Variants in VWF observed in about 807,000 individuals in gnomAD.
VWF encodes the protein Factor VIII related antigen.
A neutral mutation model predicts 308.6 loss-of-function variants in VWF; 176 were observed. The observed-to-expected ratio is 0.57, with a 90% CI of 0.50 to 0.65. The LOEUF is 0.65. Ranked by LOEUF, VWF falls within the 30% of genes least tolerant of loss-of-function variation. The pLI, the probability that VWF is intolerant of heterozygous loss-of-function variation, is 0.00. For missense variants in VWF, 3,146 were observed against 3,648.2 expected (o/e 0.86, Z 3.55); for synonymous variants, 1,385 against 1,443.4 (o/e 0.96, Z 0.92).
intron 47 of VWF, chr12:5,953,888 T>C: frequency 8.5e-6 from 3 of 354,042 alleles, no homozygotes; most frequent in South Asian, 7.4e-5. Flanking sequence ...AATTATTCTA[T>C]TGTCATCTTG....
At chr12:6,068,478 T>C (rs1944743411) in intron 10 of VWF, among the ~76,000 whole-genome samples, 1 of 152,096 alleles carries the variant, frequency 6.6e-6, no homozygotes, top group Non-Finnish European at 1.5e-5. Context: ...TGCATTTCTT[T>C]TTTTTTTTCC....
intron 16 of VWF, among the ~76,000 whole-genome samples, 188 bp downstream of exon 16, chr12:6,052,355 G>A (rs1378018690): frequency 6.6e-6 from 1 of 152,226 alleles, no homozygotes; most frequent in East Asian, 1.9e-4. Context: ...AGTTCCCTGT[G>A]TAGTAAGGAA....
chr12:5,969,239 G>A lies in VWF; in HGVS notation c.7701C>T (p.Thr2567=), dbSNP rs942107186. The A allele has an allele frequency of 1.2e-6, 2 of 1,613,938 alleles. No individual in the cohort carries two copies. The highest frequency in any genetic ancestry group is 1.3e-5 in the African/African-American group (1 of 74,950). ...CPSGFQLSCK[T]SACCPSCRCE... ...AGCGACAGCTTGGGCAGCACGCTGAGGTCTTACAGCTCAGCTGAAAGCCCG... is the reference window on the plus strand; with the variant it reads ...AGCGACAGCTTGGGCAGCACGCTGAAGTCTTACAGCTCAGCTGAAAGCCCG... The change falls in exon 45 of 52, where the codon ACC becomes ACT. Residue 2567 remains threonine (T), a synonymous_variant. Transcript: ENST00000261405.
At chr12:6,053,050 C>T (rs138198954) in intron 15 of VWF, among the ~76,000 whole-genome samples, 1 of 152,330 alleles carries the variant, frequency 6.6e-6, no homozygotes, top group East Asian at 1.9e-4. Flanking sequence ...TATTTTTCAG[C>T]ATGCAGATAT....
intron 5 of VWF, among the ~76,000 whole-genome samples, chr12:6,103,378 GTA>G (rs1945191555): frequency 7.6e-6 from 1 of 132,202 alleles, no homozygotes; most frequent in African/African-American, 3.3e-5. Context: ...GTGTGTGTGT[GTA>G]TACACGTGTG....
At position 6,056,890 on chromosome 12, in the gene VWF, C is replaced by G; in HGVS notation, c.1912G>C (p.Val638Leu). The G allele has an allele frequency of 2.0e-6, 3 of 1,512,076 alleles. No homozygotes were observed. The highest frequency in any genetic ancestry group is 2.6e-6 in the Non-Finnish European group (3 of 1,137,570). 93.7% of individuals were successfully genotyped at this position (1,512,076 alleles called of 1,614,324 possible). A position where few individuals can be genotyped will look rare whatever the true frequency, so the allele number is the denominator to read the frequency against. The stretch of plus-strand genomic sequence containing the variant: ...CCTGGCTCGCGCCACGCGACGCGCA[C>G]GCCTCTCCCCGCGCAGGCCGCGGCA... Reference protein sequence around the residue: ...SYAAACAGRGVRVAWREPGRC... With the variant: ...SYAAACAGRGLRVAWREPGRC... Residue 638 changes from valine to leucine, a missense_variant, in exon 15 of 52, where the codon GTG becomes CTG. Transcript: ENST00000261405.
chr12:6,036,655 C>T (rs1944340568), intron 18 of VWF, among the ~76,000 whole-genome samples, 164 bp from the exon 19 acceptor site: 1 of 152,230 alleles, frequency 6.6e-6, no homozygotes. Flanking sequence ...GCTTCCACTG[C>T]AGGCCAAGCC....
rs1351298194 is a variant in VWF, at chr12:6,075,033, G to C, written c.874+302C>G. Reference sequence around the variant, plus strand: ...ACCGCAACTGCCAAGATCTTGGTGGGAAGCAGAGAACACTGTGTGAGTGCA... The same window carrying C: ...ACCGCAACTGCCAAGATCTTGGTGGCAAGCAGAGAACACTGTGTGAGTGCA... On this transcript the variant is annotated intron_variant, in intron 7 of 51. Coordinates refer to ENST00000261405, the MANE Select transcript of VWF (RefSeq NM_000552.5). The surrounding 1 kb of genome is among the most constrained non-coding windows in gnomAD (Gnocchi z 4.7). Among the ~76,000 whole-genome samples the C allele has an allele frequency of 6.7e-6, 1 of 149,894 alleles. No individual in the cohort carries two copies. The highest frequency in any genetic ancestry group is 6.7e-5 in the Admixed American group (1 of 14,898).
At position 5,960,818 on chromosome 12, in the gene VWF, A is replaced by G. The variant is rs115847122; in HGVS notation, c.7887+6668T>C. On this transcript the variant is annotated intron_variant, in intron 47 of 51. Transcript: ENST00000261405. ...TAGAAACTCTCAGCACTAAAAAAAT[A>G]GATGAGAACTTCTTCAATATGCTAT... Among the ~76,000 whole-genome samples, 1,102 of 152,370 alleles carry G rather than the reference A, an allele frequency of 7.2e-3. 11 individuals carry two copies. Among genetic ancestry groups the G allele is most frequent in the African/African-American group, 0.025 (1,024 of 41,586 alleles).
At chr12:6,108,334 TACACAC>T (rs34140032) in intron 5 of VWF, among the ~76,000 whole-genome samples, 22 of 124,194 alleles carry the variant, frequency 1.8e-4, no homozygotes, top group East Asian at 9.2e-4. Context: ...AAGAAATATA[TACACAC>T]ACACACACAC....
At chr12:6,095,715 T>A in intron 5 of VWF, 131 bp from the exon 6 acceptor site, 1 of 1,356,048 alleles carries the variant, frequency 7.4e-7, no homozygotes, top group African/African-American at 1.5e-5. Flanking sequence ...AGGGTCTGGC[T>A]ATGTTTCCCA....
rs11064015 is a variant in VWF at position 6,075,220 on chromosome 12, C to G, written c.874+115G>C. On this transcript the variant is annotated intron_variant, in intron 7 of 51. Coordinates refer to ENST00000261405, the MANE Select transcript of VWF (RefSeq NM_000552.5). This position sits in a 1 kb window ranked among gnomAD's most constrained non-coding sequence, Gnocchi z 4.7. Reference sequence around the variant, plus strand: ...ACGTGGCTTTGTAGTCACTGGCTGGCTGGGTGTGGTAAAGCCGCACATACG... The same window carrying G: ...ACGTGGCTTTGTAGTCACTGGCTGGGTGGGTGTGGTAAAGCCGCACATACG... 13 of 1,336,052 alleles carry G rather than the reference C, an allele frequency of 9.7e-6. No individual in the cohort carries two copies. The Admixed American group carries it at 1.6e-4, about 17-fold the overall frequency. The allele number at this position is 1,336,052 out of a possible 1,614,324, so 82.8% of individuals were successfully genotyped here.
intron 44 of VWF, among the ~76,000 whole-genome samples, chr12:5,970,132 C>G (rs1044004444): frequency 6.6e-6 from 1 of 152,130 alleles, no homozygotes; most frequent in African/African-American, 2.4e-5. Flanking sequence ...ACCCCCCACT[C>G]CTGACTCCCT....
At chr12:6,035,094 C>A (rs1944320641) in intron 19 of VWF, among the ~76,000 whole-genome samples, 1 of 152,158 alleles carries the variant, frequency 6.6e-6, no homozygotes, top group Admixed American at 6.5e-5. Flanking sequence ...GTGAGCCAGG[C>A]AGCCAGGGAG....
chr12:6,033,818 G>A (rs548654122), intron 20 of VWF, among the ~76,000 whole-genome samples: 1 of 152,318 alleles, frequency 6.6e-6, no homozygotes, highest in African/African-American at 2.4e-5. Context: ...CTCTGGGGCT[G>A]GGGCTCCTAT....
In VWF at chr12:6,019,773, G is replaced by A; in HGVS notation, c.3675-30C>T. On this transcript the variant is annotated intron_variant, in intron 27 of 51. Coordinates refer to ENST00000261405, the MANE Select transcript of VWF (RefSeq NM_000552.5). The surrounding 1 kb of genome is among the most constrained non-coding windows in gnomAD (Gnocchi z 5.8). ...AGAAAAGAGCGAAGAAATTAAAATGGTTCAGGAAGAACCTGTGGACACTTC... is the reference window on the plus strand; with the variant it reads ...AGAAAAGAGCGAAGAAATTAAAATGATTCAGGAAGAACCTGTGGACACTTC... The A allele has an allele frequency of 6.3e-7, 1 of 1,589,124 alleles. No individual in the cohort carries two copies. Among genetic ancestry groups the A allele is most frequent in the Non-Finnish European group, 8.6e-7 (1 of 1,169,036 alleles).
At position 6,021,833 on chromosome 12, in the gene VWF, T is replaced by C. The variant is rs528197415; in HGVS notation, c.3674+67A>G. On this transcript the variant is annotated intron_variant, in intron 27 of 51. Transcript: ENST00000261405. ...CTAGGACTTTTTACCCAAAACCTAGTCTCTAAGCTGGCCCCTGGAGAAGCA... is the reference window on the plus strand; with the variant it reads ...CTAGGACTTTTTACCCAAAACCTAGCCTCTAAGCTGGCCCCTGGAGAAGCA... 21 of 1,608,596 alleles carry C rather than the reference T, an allele frequency of 1.3e-5. No homozygotes were observed. In the South Asian group the frequency reaches 2.2e-4, roughly 17 times the overall value.
chr12:6,103,948 A>G (rs138222592), intron 5 of VWF, among the ~76,000 whole-genome samples: 134 of 152,378 alleles, frequency 8.8e-4, no homozygotes, highest in African/African-American at 3.1e-3. Flanking sequence ...TCTTCTGCAC[A>G]GCAAAAGAAA....
rs115923292 is a variant in VWF, at chr12:6,056,355, G to T, written c.1945+502C>A. Among the ~76,000 whole-genome samples the T allele has an allele frequency of 4.6e-3, 668 of 145,238 alleles. 11 individuals are homozygous for T. Among genetic ancestry groups the T allele is most frequent in the African/African-American group, 0.017 (647 of 38,560 alleles). On this transcript the variant is annotated intron_variant, in intron 15 of 51. Transcript: ENST00000261405. ...GAGTGAGAATCTAAAGCCAACTGGGGACAGTGATGTAATTCACCTTTAGGT... is the reference window on the plus strand; with the variant it reads ...GAGTGAGAATCTAAAGCCAACTGGGTACAGTGATGTAATTCACCTTTAGGT...
Sources: gnomAD v4.1 joint callset for allele counts (sites outside exome capture counted in the v4.1 genomes callset) on GRCh38, gnomAD v4.1.1 for gene constraint, Gnocchi (gnomAD v3.1) non-coding constraint, MANE v1.5 for transcripts, NCBI Gene and HGNC (gene_info 2026-07-23, HGNC 2026-07-21) for gene names.